GABRB2: variants seen among roughly 807,000 people sequenced by gnomAD.
GABRB2 encodes gamma-aminobutyric acid type A receptor subunit beta2, also known as gamma-aminobutyric acid receptor subunit beta-2.
Under a neutral mutation model 54.7 loss-of-function variants are expected in GABRB2, and 16 were observed. The ratio of observed to expected loss-of-function variants is 0.29; its 90% confidence interval spans 0.20 to 0.44. The LOEUF is 0.44. Among genes scored for constraint, GABRB2 ranks in the 20% least tolerant of loss-of-function variants. The pLI is 1.00. For missense variants in GABRB2, 355 were observed against 644.0 expected (o/e 0.55, Z 4.86); for synonymous variants, 244 against 233.8 (o/e 1.04, Z -0.40).
rs533814429 is a variant in GABRB2, at chr5:161,424,878, G to C, written c.459-13821C>G. On this transcript the variant is annotated intron_variant, in intron 4 of 9. Transcript: ENST00000393959. Reference sequence around the variant, plus strand: ...CATTAAGACCAATAATGATTCATGGGAGGAGTTCAAAATACCAACATTAAT... The same window carrying C: ...CATTAAGACCAATAATGATTCATGGCAGGAGTTCAAAATACCAACATTAAT... Among the ~76,000 whole-genome samples the C allele has an allele frequency of 6.6e-5, 10 of 152,194 alleles. No individual in the cohort carries two copies. In the South Asian group the frequency reaches 2.1e-3, roughly 32 times the overall value.
intron 3 of GABRB2, among the ~76,000 whole-genome samples, chr5:161,482,808 T>A (rs1747784271): frequency 6.6e-6 from 1 of 152,076 alleles, no homozygotes; most frequent in Non-Finnish European, 1.5e-5. Context: ...ATTTAATTGT[T>A]ACTTATAAAA....
rs189649480 is a variant in GABRB2 at position 161,544,325 on chromosome 5, A to G, written c.237+902T>C. Among the ~76,000 whole-genome samples, 178 of 152,272 alleles carry G rather than the reference A, an allele frequency of 1.2e-3. 1 individual carries two copies. The highest frequency in any genetic ancestry group is 2.3e-3 in the Non-Finnish European group (156 of 68,022). ...ATTAAAATGTGGCCTATCTAGAGGG[A>G]CTTCTCCAAAGCATGAGATTTTAAA... On this transcript the variant is annotated intron_variant, in intron 3 of 9. Transcript: ENST00000393959.
At chr5:161,341,600 A>G (rs865894240) in intron 5 of GABRB2, among the ~76,000 whole-genome samples, 1 of 151,722 alleles carries the variant, frequency 6.6e-6, no homozygotes, top group African/African-American at 2.4e-5. Context: ...ATATATATCT[A>G]TAAGATACGA....
chr5:161,490,516 A>T (rs1451164859), intron 3 of GABRB2, among the ~76,000 whole-genome samples: 2 of 151,648 alleles, frequency 1.3e-5, no homozygotes, highest in African/African-American at 2.4e-5. Flanking sequence ...CTTAATTGAG[A>T]TATTATAAGT....
At chr5:161,296,929 T>G (rs1046061586) in intron 9 of GABRB2, among the ~76,000 whole-genome samples, 3 of 152,158 alleles carry the variant, frequency 2.0e-5, no homozygotes, top group African/African-American at 7.2e-5. Context: ...TGAAATAAAA[T>G]ATGTGAAGAA....
intron 3 of GABRB2, among the ~76,000 whole-genome samples, chr5:161,523,206 T>C (rs1387948213): frequency 3.3e-5 from 5 of 151,520 alleles, no homozygotes; most frequent in Non-Finnish European, 7.4e-5. Flanking sequence ...TTAACTACTA[T>C]GAACTGCTAC....
chr5:161,546,511 TGC>T, intron 1 of GABRB2, 54 bp downstream of exon 1: 1 of 1,567,478 alleles, frequency 6.4e-7, no homozygotes, highest in South Asian at 1.1e-5. Flanking sequence ...CACAGAGGTA[TGC>T]AGACAGAACC....
At chr5:161,488,318 A>C (rs1004116291) in intron 3 of GABRB2, among the ~76,000 whole-genome samples, 2 of 151,366 alleles carry the variant, frequency 1.3e-5, no homozygotes, top group African/African-American at 4.8e-5. Flanking sequence ...TGATATGGAC[A>C]TTTAGGTTTA....
chr5:161,546,656 T>C lies in GABRB2; in HGVS notation c.-13A>G. On this transcript the variant is annotated 5_prime_UTR_variant, in exon 1 of 10. Transcript: ENST00000393959. ...GCACTCTCCACATCCCTTTAGTTTT[T>C]GATGGAATTGAGGGTTTCACTGAAG... is the stretch of plus-strand genomic sequence containing the variant. 1.9e-6 allele frequency: 3 copies of C among 1,581,284 alleles called. No homozygotes were observed. Among genetic ancestry groups the C allele is most frequent in the South Asian group, 1.2e-5 (1 of 86,408 alleles).
intron 5 of GABRB2, among the ~76,000 whole-genome samples, chr5:161,392,105 C>T (rs1256277234): frequency 6.6e-6 from 1 of 152,144 alleles, no homozygotes; most frequent in Non-Finnish European, 1.5e-5. Context: ...TAATGTGAGG[C>T]CCTTCTCATC....
intron 3 of GABRB2, among the ~76,000 whole-genome samples, chr5:161,492,274 G>A (rs950446840): frequency 3.3e-5 from 5 of 151,638 alleles, no homozygotes; most frequent in African/African-American, 9.7e-5. Flanking sequence ...ATCATTGGAC[G>A]TTATCGTTTG....
chr5:161,440,055 C>A (rs1223252822), intron 4 of GABRB2, among the ~76,000 whole-genome samples: 6 of 129,936 alleles, frequency 4.6e-5, no homozygotes, highest in Admixed American at 2.4e-4. Flanking sequence ...TCATGGTAAC[C>A]TCAAACCAAA....
chr5:161,298,917 G>A (rs909313766), intron 9 of GABRB2, among the ~76,000 whole-genome samples: 13 of 152,118 alleles, frequency 8.5e-5, no homozygotes, highest in East Asian at 1.9e-4. Context: ...ACAAGTTTAT[G>A]TACTGAATAG....
intron 4 of GABRB2, among the ~76,000 whole-genome samples, chr5:161,421,045 A>G (rs1756832121): frequency 1.3e-5 from 2 of 151,922 alleles, no homozygotes; most frequent in African/African-American, 2.4e-5. Context: ...TCCTTCCCTC[A>G]CCATTGGCCA....
intron 3 of GABRB2, among the ~76,000 whole-genome samples, chr5:161,482,671 A>G (rs886820484): frequency 6.6e-6 from 1 of 152,122 alleles, no homozygotes; most frequent in African/African-American, 2.4e-5. Flanking sequence ...TCTGCATGTC[A>G]TAGTTATCCA....
chr5:161,536,330 G>A (rs1050799067), intron 3 of GABRB2, among the ~76,000 whole-genome samples: 9 of 152,022 alleles, frequency 5.9e-5, no homozygotes, highest in African/African-American at 1.9e-4. Context: ...ACAACAGTTC[G>A]CCAAAATTGT....
At chr5:161,294,516 G>C in intron 9 of GABRB2, 88 bp from the exon 10 acceptor site, 1 of 1,102,274 alleles carries the variant, frequency 9.1e-7, no homozygotes, top group African/African-American at 1.6e-5. Context: ...GGCACTTAAG[G>C]GATTTATAGG....
chr5:161,329,913 C>A (rs1026118099), intron 8 of GABRB2: 2 of 152,088 alleles, frequency 1.3e-5, no homozygotes, highest in African/African-American at 4.8e-5. Context: ...TAACAGGAAG[C>A]CAGGTGAAGT....
intron 4 of GABRB2, among the ~76,000 whole-genome samples, chr5:161,453,046 C>T (rs1337034619): frequency 2.0e-5 from 3 of 152,152 alleles, no homozygotes; most frequent in Admixed American, 1.3e-4. Flanking sequence ...TTAAACTATT[C>T]TGAAAATGAT....
Sources: allele counts gnomAD v4.1 joint callset (sites outside exome capture counted in the v4.1 genomes callset), GRCh38; gene constraint gnomAD v4.1.1; transcripts MANE v1.5; gene names NCBI Gene and HGNC (gene_info 2026-07-23, HGNC 2026-07-21).